TRPM3: variants seen among roughly 807,000 people sequenced by gnomAD.
TRPM3 encodes the protein long transient receptor potential channel 3.
TRPM3 carries 77 observed loss-of-function variants against 181.2 expected under a neutral mutation model. That is an observed-to-expected ratio of 0.42 (90% CI 0.35 to 0.51). The LOEUF is 0.51. TRPM3 is among the 20% of genes least tolerant of loss of function. The probability of loss-of-function intolerance (pLI) is 0.01; values close to 1 mark genes in which losing one functional copy is unlikely to be tolerated. For synonymous variants in TRPM3, 745 were observed against 796.4 expected (o/e 0.94, Z 1.09); for missense variants, 1,759 against 2,196.7 (o/e 0.80, Z 3.98).
chr9:71,191,250 G>C (rs905828120), intron 1 of TRPM3, among the ~76,000 whole-genome samples: 3 of 151,800 alleles, frequency 2.0e-5, no homozygotes, highest in African/African-American at 7.2e-5. Context: ...TGGCCAGCGT[G>C]GTGCTGGGTA....
intron 1 of TRPM3, among the ~76,000 whole-genome samples, chr9:71,169,490 T>C (rs538299676): frequency 2.8e-4 from 43 of 152,286 alleles, no homozygotes; most frequent in Middle Eastern, 3.4e-3. Flanking sequence ...GGAAAGTCAA[T>C]TGAAAACTAT....
Position 70,846,390 on chromosome 9 carries a change from C to T in TRPM3, c.664G>A (p.Gly222Arg). Residue 222 changes from glycine (G) to arginine (R), a missense_variant, in exon 4 of 26, where the codon GGG (glycine) becomes AGG (arginine). Gly to Arg is a moderately radical substitution (Grantham distance 125, BLOSUM62 -2). Coordinates refer to ENST00000677713, the MANE Select transcript of TRPM3 (RefSeq NM_001366145.2). ...MTTGAWIFTG[G>R]VNTGVIRHVG... Reference sequence around the variant, plus strand: ...CACTTGCAATTACCTGTGTTAACCCCTCCAGTGAATATCCACGCTCCAGTT... The same window carrying T: ...CACTTGCAATTACCTGTGTTAACCCTTCCAGTGAATATCCACGCTCCAGTT... 1 of 1,614,016 alleles carries T rather than the reference C, an allele frequency of 6.2e-7. No individual in the cohort carries two copies. Among genetic ancestry groups the T allele is most frequent in the Non-Finnish European group, 8.5e-7 (1 of 1,179,922 alleles).
intron 9 of TRPM3, among the ~76,000 whole-genome samples, chr9:70,663,407 A>G (rs2061391390): frequency 6.6e-6 from 1 of 152,232 alleles, no homozygotes; most frequent in Non-Finnish European, 1.5e-5. Context: ...TAATTAAAAA[A>G]TAACTACTGA....
At chr9:71,435,577 A>C (rs1341085117) in intron 1 of TRPM3, among the ~76,000 whole-genome samples, 7 of 152,226 alleles carry the variant, frequency 4.6e-5, no homozygotes, top group Non-Finnish European at 8.8e-5. Context: ...TTCCAAATAC[A>C]TGAGTATTTA....
rs567287548 is a variant in TRPM3 at position 70,864,332 on chromosome 9, A to T, written c.257+100T>A. ...TCCAGAAACAATATAAAAGATATTT[A>T]ATTTGACAGTGTTTCCCTTGTAACA... On this transcript the variant is annotated intron_variant, in intron 2 of 25. Transcript: ENST00000677713. The T allele has an allele frequency of 1.4e-3, 1,033 of 754,002 alleles. 19 individuals carry two copies. In the East Asian group the frequency reaches 0.028, roughly 20 times the overall value. 46.7% of individuals were successfully genotyped at this position (754,002 alleles called of 1,614,324 possible). A position where few individuals can be genotyped will look rare whatever the true frequency, so the allele number is the denominator to read the frequency against.
intron 1 of TRPM3, among the ~76,000 whole-genome samples, chr9:71,180,227 G>C (rs551704649): frequency 2.0e-5 from 3 of 151,828 alleles, no homozygotes; most frequent in Admixed American, 6.6e-5. Flanking sequence ...GCTAATTTTT[G>C]TATTTTTAAT....
chr9:71,268,552 C>T (rs964256198), intron 1 of TRPM3, among the ~76,000 whole-genome samples: 9 of 151,634 alleles, frequency 5.9e-5, no homozygotes, highest in Non-Finnish European at 7.4e-5. Context: ...GGGCTGGGCA[C>T]GGTGGCTCAC....
intron 1 of TRPM3, among the ~76,000 whole-genome samples, chr9:71,127,388 G>A (rs2074109205): frequency 6.6e-6 from 1 of 151,554 alleles, no homozygotes; most frequent in Non-Finnish European, 1.5e-5. Context: ...GGTAGTGACG[G>A]GCTAATGGAA....
intron 1 of TRPM3, among the ~76,000 whole-genome samples, chr9:71,170,283 G>T (rs1031825212): frequency 6.6e-6 from 1 of 152,108 alleles, no homozygotes; most frequent in South Asian, 2.1e-4. Flanking sequence ...AGGGAATGAG[G>T]TGAATAAGAT....
chr9:70,594,966 C>T (rs981501477), intron 21 of TRPM3, among the ~76,000 whole-genome samples: 2 of 152,138 alleles, frequency 1.3e-5, no homozygotes, highest in East Asian at 3.8e-4. Flanking sequence ...ATCTTAAAAG[C>T]CCCTTGAAAG....
intron 1 of TRPM3, among the ~76,000 whole-genome samples, chr9:71,427,837 C>T (rs2131589963): frequency 6.6e-6 from 1 of 152,266 alleles, no homozygotes; most frequent in South Asian, 2.1e-4. Flanking sequence ...ATGATGGATT[C>T]AACTGAACTC....
chr9:71,158,378 G>A (rs2076106307), intron 1 of TRPM3, among the ~76,000 whole-genome samples: 1 of 152,178 alleles, frequency 6.6e-6, no homozygotes, highest in East Asian at 1.9e-4. Context: ...ACCTAATTTA[G>A]TCATATCTAA....
intron 1 of TRPM3, among the ~76,000 whole-genome samples, chr9:70,999,729 G>C (rs1373225816): frequency 6.6e-6 from 1 of 152,152 alleles, no homozygotes; most frequent in Non-Finnish European, 1.5e-5. Context: ...GTTGATCCAA[G>C]GTTATTTTTA....
chr9:70,663,635 T>C (rs1199345410), intron 9 of TRPM3, among the ~76,000 whole-genome samples: 1 of 152,260 alleles, frequency 6.6e-6, no homozygotes, highest in Admixed American at 6.5e-5. Context: ...TATTTTAAGA[T>C]TGTTTTACAC....
intron 1 of TRPM3, among the ~76,000 whole-genome samples, chr9:71,421,092 T>C (rs2093765769): frequency 6.6e-6 from 1 of 151,146 alleles, no homozygotes; most frequent in Non-Finnish European, 1.5e-5. Context: ...GCCATTATCC[T>C]AAGCAAATTA....
chr9:70,691,066 G>A (rs528270103), intron 8 of TRPM3, among the ~76,000 whole-genome samples: 211 of 152,238 alleles, frequency 1.4e-3, no homozygotes, highest in African/African-American at 4.7e-3. Flanking sequence ...AACACACCTG[G>A]AACTGAGCAA....
In TRPM3 at chr9:71,159,105, T is replaced by TAGAGAGAG. The variant is rs140356660; in HGVS notation, c.183+287540_183+287547dup. Among the ~76,000 whole-genome samples, 1,003 of 144,154 alleles carry TAGAGAGAG rather than the reference T, an allele frequency of 7.0e-3. 5 individuals are homozygous for TAGAGAGAG. The highest frequency in any genetic ancestry group is 0.036 in the Middle Eastern group (10 of 274). 94.6% of individuals were successfully genotyped at this position (144,154 alleles called of 152,430 possible). On this transcript the variant is annotated intron_variant, in intron 1 of 24. Coordinates refer to the TRPM3 transcript ENST00000357533. ...TGAGCCTATATTATATATATATATTTAGAGAGAGAGAGAGAGAGAGAGAGA... is the reference window on the plus strand; with the variant it reads ...TGAGCCTATATTATATATATATATTTAGAGAGAGAGAGAGAGAGAGAGAGAGAGAGAGA...
At chr9:71,142,023 A>G (rs1565270196) in intron 1 of TRPM3, among the ~76,000 whole-genome samples, 2 of 152,214 alleles carry the variant, frequency 1.3e-5, no homozygotes, top group South Asian at 2.1e-4. Flanking sequence ...ATAAGTAAGT[A>G]GAAAGAGTTT....
intron 7 of TRPM3, among the ~76,000 whole-genome samples, chr9:70,763,569 T>A (rs1462038162): frequency 6.6e-6 from 1 of 152,180 alleles, no homozygotes; most frequent in Non-Finnish European, 1.5e-5. Context: ...CTTAAGATTA[T>A]CTTAATTATT....
Sources: gnomAD v4.1 joint callset for allele counts (sites outside exome capture counted in the v4.1 genomes callset) on GRCh38, gnomAD v4.1.1 for gene constraint, MANE v1.5 for transcripts, NCBI Gene and HGNC (gene_info 2026-07-23, HGNC 2026-07-21) for gene names.